IDI1: variants seen among roughly 807,000 people sequenced by gnomAD.
IDI1 encodes isopentenyl-diphosphate delta isomerase 1.
In IDI1, 23 loss-of-function variants were observed where a neutral mutation model predicts 32.9. The ratio of observed to expected loss-of-function variants is 0.70; its 90% confidence interval spans 0.50 to 0.99. The LOEUF (loss-of-function observed/expected upper bound fraction) is 0.99. Ranked by LOEUF, IDI1 falls within the 50% of genes least tolerant of loss-of-function variation. The probability of loss-of-function intolerance (pLI) is 0.00; values close to 1 mark genes in which losing one functional copy is unlikely to be tolerated. For missense variants in IDI1, 326 were observed against 351.9 expected, an observed-to-expected ratio of 0.93 and a Z score of 0.59; for synonymous variants, 133 against 128.2, an observed-to-expected ratio of 1.04 and a Z score of -0.25.
chr10:1,043,277 A>ATTGTGT, intron 3 of IDI1, 24 bp downstream of exon 3: 2 of 1,316,260 alleles, frequency 1.5e-6, no homozygotes, highest in Non-Finnish European at 1.1e-6. Context: ...CAAACACAAT[A>ATTGTGT]TTGTACATTA....
In IDI1 at chr10:1,041,386, T is replaced by G. The variant is rs878862785; in HGVS notation, c.656A>C (p.Asn219Thr). Residue 219 changes from asparagine (N) to threonine (T), a missense_variant, in exon 5 of 5, where the codon AAT becomes ACT. By Grantham distance (65) the Asn-to-Thr change is moderately conservative. Transcript: ENST00000381344. ...ILLVRKNVTLNPDPNEIKSYC... is the reference protein window; with the variant it reads ...ILLVRKNVTLTPDPNEIKSYC... ...GCTTTTAATCTCATTGGGATCTGGA[T>G]TCAAAGTTACATTCTTCCTCACCAA... The G allele has an allele frequency of 7.4e-6, 12 of 1,613,314 alleles. No homozygotes were observed. In the Admixed American group the frequency reaches 1.7e-4, roughly 22 times the overall value.
In IDI1 at chr10:1,041,225, T is replaced by G; in HGVS notation, c.817A>C (p.Asn273His). 6.2e-7 allele frequency: 1 copy of G among 1,611,354 alleles called. No individual in the cohort carries two copies. The highest frequency in any genetic ancestry group is 8.5e-7 in the Non-Finnish European group (1 of 1,178,040). ...ATTTTCTCATGGTCAACAAACTGAT[T>G]CAAATGATTTAAGTTATCCCACCAT... The part of the protein sequence containing the change: ...FKWWDNLNHL[N>H]QFVDHEKIYR... The change falls in exon 5 of 5, where the codon AAT (asparagine) becomes CAT (histidine). Residue 273 changes from asparagine (N) to histidine (H), a missense_variant. This residue lies in a region of IDI1 where 205 missense variants were observed against 273.5 expected (regional missense o/e 0.75). Coordinates refer to ENST00000381344, the MANE Select transcript of IDI1 (RefSeq NM_004508.4).
intron 1 of IDI1, among the ~76,000 whole-genome samples, chr10:1,045,613 T>C (rs750334312): frequency 6.6e-6 from 1 of 152,200 alleles, no homozygotes; most frequent in Admixed American, 6.5e-5. Context: ...ACTACAGGCG[T>C]GCACCACCAC....
At chr10:1,046,498 T>A (rs1324119644) in intron 1 of IDI1, among the ~76,000 whole-genome samples, 1 of 150,958 alleles carries the variant, frequency 6.6e-6, no homozygotes, top group African/African-American at 2.4e-5. Flanking sequence ...CTCCACTGTC[T>A]GTCTACACCA....
At chr10:1,049,554 T>A, upstream of IDI1, 1 of 151,108 alleles carries the variant, frequency 6.6e-6, no homozygotes, top group East Asian at 2.0e-4. Flanking sequence ...ATGGCCTTTC[T>A]GCGGTGTCTG....
chr10:1,045,383 C>T (rs1009819839), intron 1 of IDI1, among the ~76,000 whole-genome samples: 1 of 152,008 alleles, frequency 6.6e-6, no homozygotes, highest in Non-Finnish European at 1.5e-5. Flanking sequence ...TTTTTGTTTT[C>T]TGATTTTTCT....
chr10:1,043,832 G>A, intron 2 of IDI1, 167 bp downstream of exon 2: 1 of 670,300 alleles, frequency 1.5e-6, no homozygotes, highest in Non-Finnish European at 2.7e-6. Context: ...GCTGTAACAG[G>A]AAGACAGCAA....
intron 1 of IDI1, among the ~76,000 whole-genome samples, chr10:1,045,558 C>T (rs1044809598): frequency 1.3e-5 from 2 of 152,250 alleles, no homozygotes; most frequent in Non-Finnish European, 1.5e-5. Context: ...CCCCCACCTC[C>T]TGGGTTCAAG....
upstream of IDI1, among the ~76,000 whole-genome samples, chr10:1,050,698 CCACTCACACACCCA>C (rs1490536405): frequency 1.3e-5 from 2 of 152,172 alleles, no homozygotes; most frequent in African/African-American, 4.8e-5. Flanking sequence ...CATCACAGGG[CCACTCACACACCCA>C]CACTCAGACT....
At position 1,041,357 on chromosome 10, in the gene IDI1, A is replaced by G; in HGVS notation, c.685T>C (p.Cys229Arg). ...TTTAGTTCTTCCTTTGACACATAAC[A>G]ATAGCTTTTAATCTCATTGGGATCT... is the stretch of plus-strand genomic sequence containing the variant. ...NPDPNEIKSYCYVSKEELKEL... is the reference protein window; with the variant it reads ...NPDPNEIKSYRYVSKEELKEL... Residue 229 changes from cysteine (C) to arginine (R), a missense_variant, in exon 5 of 5, where the codon TGT becomes CGT. By Grantham distance (180) the Cys-to-Arg change is radical. This residue lies in a region of IDI1 where 205 missense variants were observed against 273.5 expected (regional missense o/e 0.75). Coordinates refer to ENST00000381344, the MANE Select transcript of IDI1 (RefSeq NM_004508.4). 1.9e-6 allele frequency: 3 copies of G among 1,613,752 alleles called. No homozygotes were observed. The highest frequency in any genetic ancestry group is 1.1e-5 in the South Asian group (1 of 91,080).
At chr10:1,050,764 C>G (rs1428741438), upstream of IDI1, among the ~76,000 whole-genome samples, 1 of 152,190 alleles carries the variant, frequency 6.6e-6, no homozygotes, top group Non-Finnish European at 1.5e-5. Context: ...GTGCACACCT[C>G]TGGGATGTGG....
At chr10:1,051,188 C>T (rs1833002937), upstream of IDI1, among the ~76,000 whole-genome samples, 1 of 152,172 alleles carries the variant, frequency 6.6e-6, no homozygotes, top group African/African-American at 2.4e-5. Context: ...AATGCTAAAA[C>T]ATTTCATTAT....
chr10:1,052,665 T>C (rs1833044388), upstream of IDI1, among the ~76,000 whole-genome samples: 1 of 152,210 alleles, frequency 6.6e-6, no homozygotes, highest in Non-Finnish European at 1.5e-5. Flanking sequence ...ACTGTGTAAG[T>C]AGATGTGCTG....
chr10:1,045,131 C>T (rs888235534), intron 1 of IDI1, among the ~76,000 whole-genome samples: 12 of 152,256 alleles, frequency 7.9e-5, no homozygotes, highest in African/African-American at 2.7e-4. Context: ...CATAGTTGGC[C>T]CATTCCTACC....
chr10:1,048,774 C>T, intron 1 of IDI1, 90 bp downstream of exon 1: 1 of 1,530,744 alleles, frequency 6.5e-7, no homozygotes, highest in Non-Finnish European at 8.8e-7. Context: ...ACGGGTGGCT[C>T]AGACCTCGGG....
chr10:1,052,553 A>G (rs1408413156), upstream of IDI1, among the ~76,000 whole-genome samples: 5 of 152,250 alleles, frequency 3.3e-5, no homozygotes, highest in Non-Finnish European at 7.3e-5. Context: ...TTGGGTGAAC[A>G]GGAGCACTGT....
intron 1 of IDI1, chr10:1,048,287 TCATC>T: frequency 7.7e-7 from 1 of 1,304,358 alleles, no homozygotes; most frequent in Non-Finnish European, 1.0e-6. Flanking sequence ...CGGGAACACA[TCATC>T]CAACCCAAGA....
At position 1,041,290 on chromosome 10, in the gene IDI1, G is replaced by T. The variant is rs147099136; in HGVS notation, c.752C>A (p.Thr251Lys). ...CGCTGCAATAATTTTAAACCATGGC[G>T]TTATCTTAATTTCACCACTGGCTGC... ...KKAASGEIKITPWFKIIAATF... is the reference protein window; with the variant it reads ...KKAASGEIKIKPWFKIIAATF... The change falls in exon 5 of 5, where the codon ACG becomes AAG. Residue 251 changes from threonine (T) to lysine (K), a missense_variant. Physicochemically the swap from Thr to Lys is moderately conservative, Grantham distance 78. Transcript: ENST00000381344. 3 of 1,612,798 alleles carry T rather than the reference G, an allele frequency of 1.9e-6. No individual in the cohort carries two copies. The African/African-American group carries it at 4.0e-5, about 22-fold the overall frequency.
At chr10:1,039,194 G>A (rs56153104), downstream of IDI1, 6 of 94,052 alleles carry the variant, frequency 6.4e-5, no homozygotes, top group African/African-American at 1.5e-4. Flanking sequence ...CGACCTGGAC[G>A]TGTCCCCAGG....
Sources: gnomAD v4.1 joint callset for allele counts (sites outside exome capture counted in the v4.1 genomes callset) on GRCh38, gnomAD v4.1.1 for gene constraint, gnomAD v4.1.1 regional missense constraint, MANE v1.5 for transcripts, NCBI Gene and HGNC (gene_info 2026-07-23, HGNC 2026-07-21) for gene names.